The following ADCY6 variants were observed in gnomAD, a reference collection of about 807,000 sequenced individuals.
ADCY6 encodes the protein adenylate cyclase 6.
ADCY6 carries 59 observed loss-of-function variants against 111.6 expected under a neutral mutation model. That is an observed-to-expected ratio of 0.53 (90% CI 0.43 to 0.66). The LOEUF (loss-of-function observed/expected upper bound fraction) is 0.66, where lower values mean the gene tolerates loss of function less well. Ranked by LOEUF, ADCY6 falls within the 30% of genes least tolerant of loss-of-function variation. The pLI is 0.00. For synonymous variants in ADCY6, 576 were observed against 642.9 expected (o/e 0.90, Z 1.57); for missense variants, 1,242 against 1,595.6 (o/e 0.78, Z 3.78).
In ADCY6 at chr12:48,771,526, C is replaced by A. The variant is rs1037171942; in HGVS notation, c.3051+184G>T. On this transcript the variant is annotated intron_variant, in intron 19 of 21. Transcript: ENST00000357869. This position sits in a 1 kb window ranked among gnomAD's most constrained non-coding sequence, Gnocchi z 4.3. ...ATGACCCTGCCCCACTAGGGCTGAC[C>A]CCCTTGCTGCCTCTGACACCTTCAT... 2 of 945,994 alleles carry A rather than the reference C, an allele frequency of 2.1e-6. No homozygotes were observed. 58.6% of individuals were successfully genotyped at this position (945,994 alleles called of 1,614,324 possible).
intron 15 of ADCY6, 98 bp downstream of exon 15, chr12:48,773,842 A>G (rs1345805317): frequency 1.3e-6 from 2 of 1,511,186 alleles, no homozygotes; most frequent in Non-Finnish European, 1.8e-6. Context: ...GACTCTGGTG[A>G]GTTCCTGGGT....
Position 48,777,567 on chromosome 12 carries a change from A to T in ADCY6, c.1137-46T>A, listed in dbSNP as rs750963580. ...TGAACAGAACACATAGCCCTCAAAG[A>T]CTTCCAGACCCCCCGCCCTGCTGGG... is the stretch of plus-strand genomic sequence containing the variant. On this transcript the variant is annotated intron_variant, in intron 4 of 21. Transcript: ENST00000357869. The surrounding 1 kb of genome is among the most constrained non-coding windows in gnomAD (Gnocchi z 4.9). 8 of 1,612,654 alleles carry T rather than the reference A, an allele frequency of 5.0e-6. No homozygotes were observed. Among genetic ancestry groups the T allele is most frequent in the Middle Eastern group, 1.7e-4 (1 of 6,054 alleles).
At chr12:48,785,385 C>T (rs1465670072) in intron 1 of ADCY6, among the ~76,000 whole-genome samples, 3 of 152,088 alleles carry the variant, frequency 2.0e-5, no homozygotes, top group Admixed American at 2.0e-4. Flanking sequence ...TTTGGGAAGC[C>T]GAGGTGAGTG....
In ADCY6 at chr12:48,783,257, G is replaced by C; in HGVS notation, c.178C>G (p.Pro60Ala). The change falls in exon 2 of 22, where the codon CCC (proline) becomes GCC (alanine). Residue 60 changes from proline to alanine, a missense_variant. Pro to Ala is a conservative substitution (Grantham distance 27). This residue lies in a region of ADCY6 where 362 missense variants were observed against 377.2 expected (regional missense o/e 0.96). Transcript: ENST00000357869. ...TCATCCTGCCAGGGGCACCGAGGGG[G>C]GCCCGCAGGGGTGGGGCTGGGTGGC... ...AEPPSPTPAG[P>A]PRCPWQDDAF... 6.2e-7 allele frequency: 1 copy of C among 1,610,874 alleles called. No homozygotes were observed. The highest frequency in any genetic ancestry group is 2.2e-5 in the East Asian group (1 of 44,844).
intron 1 of ADCY6, among the ~76,000 whole-genome samples, chr12:48,784,809 G>A (rs1321683252): frequency 6.6e-6 from 1 of 151,688 alleles, no homozygotes; most frequent in Non-Finnish European, 1.5e-5. Flanking sequence ...GACTACAGGC[G>A]CCTGCCACCA....
In ADCY6 at chr12:48,775,524, G is replaced by T. The variant is rs1034398854; in HGVS notation, c.1833-74C>A. The T allele has an allele frequency of 6.3e-6, 10 of 1,598,728 alleles. No individual in the cohort carries two copies. The African/African-American group carries it at 1.2e-4, about 19-fold the overall frequency. ...GAGAAACAATGAAAGGAAAGGTATGGACAGCACCTGAGGGAGGGAGGGAGA... is the reference window on the plus strand; with the variant it reads ...GAGAAACAATGAAAGGAAAGGTATGTACAGCACCTGAGGGAGGGAGGGAGA... On this transcript the variant is annotated intron_variant, in intron 10 of 21. Transcript: ENST00000357869.
At position 48,774,672 on chromosome 12, in the gene ADCY6, C is replaced by G; in HGVS notation, c.2166+19G>C. 6.2e-7 allele frequency: 1 copy of G among 1,613,214 alleles called. No individual in the cohort carries two copies. The highest frequency in any genetic ancestry group is 8.5e-7 in the Non-Finnish European group (1 of 1,179,270). Reference sequence around the variant, plus strand: ...TCCAGCCTGCCCTCCCCAACAGCCTCAGAAATCCCCTTACGTACAGAACCA... The same window carrying G: ...TCCAGCCTGCCCTCCCCAACAGCCTGAGAAATCCCCTTACGTACAGAACCA... On this transcript the variant is annotated intron_variant, in intron 13 of 21. Transcript: ENST00000357869.
At chr12:48,789,729 T>A (rs1011638776), upstream of ADCY6, 13 of 151,914 alleles carry the variant, frequency 8.6e-5, no homozygotes, top group African/African-American at 3.1e-4. Context: ...ACTTCTTTCC[T>A]CTTCCCCCCA....
rs1469987164 is a variant in ADCY6 at position 48,771,674 on chromosome 12, C to G, written c.3051+36G>C. ...CCAATCCCTGGTCTCCAAGTACCCC[C>G]CACTCTCTGCCACCACCAGCCAACT... On this transcript the variant is annotated intron_variant, in intron 19 of 21. Coordinates refer to ENST00000357869, the MANE Select transcript of ADCY6 (RefSeq NM_015270.5). This position sits in a 1 kb window ranked among gnomAD's most constrained non-coding sequence, Gnocchi z 4.3. 1 of 1,612,660 alleles carries G rather than the reference C, an allele frequency of 6.2e-7. No homozygotes were observed. The highest frequency in any genetic ancestry group is 1.7e-5 in the Admixed American group (1 of 60,010).
intron 2 of ADCY6, among the ~76,000 whole-genome samples, chr12:48,779,834 T>C (rs551433557): frequency 6.6e-6 from 1 of 152,218 alleles, no homozygotes; most frequent in African/African-American, 2.4e-5. Context: ...TCCTGCAAAA[T>C]TGGGCAGGTC....
At chr12:48,772,135 G>T in intron 18 of ADCY6, 160 bp downstream of exon 18, 1 of 1,381,620 alleles carries the variant, frequency 7.2e-7, no homozygotes, top group Non-Finnish European at 9.7e-7. Flanking sequence ...GCAGGTAGAG[G>T]ATGGGGCAGG....
chr12:48,781,069 G>A (rs568547142), intron 2 of ADCY6, among the ~76,000 whole-genome samples: 16 of 152,022 alleles, frequency 1.1e-4, no homozygotes, highest in African/African-American at 3.9e-4. Context: ...ATGGTGGCGC[G>A]CTCCTGTAGT....
rs1462503412 is a variant in ADCY6, at chr12:48,777,221, C to T, written c.1259G>A (p.Cys420Tyr). 1.2e-6 allele frequency: 2 copies of T among 1,613,276 alleles called. No individual in the cohort carries two copies. Among genetic ancestry groups the T allele is most frequent in the Non-Finnish European group, 1.7e-6 (2 of 1,179,706 alleles). The change falls in exon 6 of 22, where the codon TGC becomes TAC. Residue 420 changes from cysteine (C) to tyrosine (Y), a missense_variant. Cys to Tyr is a radical substitution (Grantham distance 194, BLOSUM62 -2). This residue lies in a region of ADCY6 where 260 missense variants were observed against 414.6 expected (regional missense o/e 0.63). Transcript: ENST00000357869. The surrounding 1 kb of genome is among the most constrained non-coding windows in gnomAD (Gnocchi z 4.9). ...GTCCCCCAAGATCTTGATCCTCAGG[C>T]AGTGATTCTCCTGAATGGGAAGGAA... is the stretch of plus-strand genomic sequence containing the variant. ...RFDKLAAENH[C>Y]LRIKILGDCY...
At chr12:48,787,434 G>A (rs1206692089) in intron 1 of ADCY6, among the ~76,000 whole-genome samples, 2 of 152,182 alleles carry the variant, frequency 1.3e-5, no homozygotes, top group African/African-American at 4.8e-5. Flanking sequence ...GATAGCTTCA[G>A]AGCTATGTAA....
intron 20 of ADCY6, among the ~76,000 whole-genome samples, chr12:48,769,907 G>A (rs1941485583): frequency 1.3e-5 from 2 of 151,434 alleles, no homozygotes; most frequent in African/African-American, 2.4e-5. Context: ...GACTATAGGC[G>A]CCCACCACCA....
At position 48,776,196 on chromosome 12, in the gene ADCY6, C is replaced by A. The variant is rs1299725620; in HGVS notation, c.1677+13G>T. 1.2e-6 allele frequency: 2 copies of A among 1,613,950 alleles called. No homozygotes were observed. The highest frequency in any genetic ancestry group is 1.7e-6 in the Non-Finnish European group (2 of 1,180,038). The stretch of plus-strand genomic sequence containing the variant: ...TCTTGCTCCCCTGCCCCCAGCCCTG[C>A]CCTGGCCCTGACCCGTTTCTGGCTG... On this transcript the variant is annotated intron_variant, in intron 8 of 21. Transcript: ENST00000357869. This position sits in a 1 kb window ranked among gnomAD's most constrained non-coding sequence, Gnocchi z 6.1.
At chr12:48,789,886 A>C (rs547953428), upstream of ADCY6, 1 of 149,498 alleles carries the variant, frequency 6.7e-6, no homozygotes. Flanking sequence ...CCTCACCCCC[A>C]GGCATCTTTT....
At chr12:48,781,206 AAAAAAAAACCAC>A (rs759142831) in intron 2 of ADCY6, among the ~76,000 whole-genome samples, 31 of 151,650 alleles carry the variant, frequency 2.0e-4, no homozygotes, top group Non-Finnish European at 4.1e-4. Context: ...TCTCAAAAAA[AAAAAAAAACCAC>A]AAAAAAAACA....
At chr12:48,781,339 G>A (rs1941839113) in intron 2 of ADCY6, among the ~76,000 whole-genome samples, 1 of 152,204 alleles carries the variant, frequency 6.6e-6, no homozygotes, top group Admixed American at 6.5e-5. Context: ...CTGAGGCAGG[G>A]TGGGCAACAG....
Sources: gnomAD v4.1 joint callset for allele counts (sites outside exome capture counted in the v4.1 genomes callset) on GRCh38, gnomAD v4.1.1 for gene constraint, gnomAD v4.1.1 regional missense constraint, Gnocchi (gnomAD v3.1) non-coding constraint, MANE v1.5 for transcripts, NCBI Gene and HGNC (gene_info 2026-07-23, HGNC 2026-07-21) for gene names.